CRYBG1: variants seen among roughly 807,000 people sequenced by gnomAD.
CRYBG1 encodes beta/gamma crystallin domain-containing protein 1.
A neutral mutation model predicts 189.2 loss-of-function variants in CRYBG1; 139 were observed. The observed-to-expected ratio is 0.73, with a 90% CI of 0.64 to 0.85. The LOEUF (loss-of-function observed/expected upper bound fraction) is 0.85, where lower values mean the gene tolerates loss of function less well. CRYBG1 is among the 40% of genes least tolerant of loss of function. The pLI, the probability that CRYBG1 is intolerant of heterozygous loss-of-function variation, is 0.00. For synonymous variants in CRYBG1, 1,023 were observed against 1,017.1 expected (o/e 1.01, Z -0.11); for missense variants, 2,611 against 2,675.8 (o/e 0.98, Z 0.53).
chr6:106,370,642 A>T (rs1770005688), intron 1 of CRYBG1, among the ~76,000 whole-genome samples: 1 of 152,230 alleles, frequency 6.6e-6, no homozygotes, highest in Non-Finnish European at 1.5e-5. Context: ...AAATAAGCCC[A>T]TACCCTCATT....
intron 2 of CRYBG1, among the ~76,000 whole-genome samples, chr6:106,474,570 G>T (rs1361302148): frequency 2.0e-5 from 3 of 152,136 alleles, no homozygotes; most frequent in Admixed American, 6.5e-5. Context: ...ATCTCCCTTA[G>T]ATCCACGCAA....
In CRYBG1 at chr6:106,519,460, C is replaced by T; in HGVS notation, c.2252C>T (p.Thr751Ile). 3 of 1,614,076 alleles carry T rather than the reference C, an allele frequency of 1.9e-6. No individual in the cohort carries two copies. The highest frequency in any genetic ancestry group is 2.5e-6 in the Non-Finnish European group (3 of 1,180,034). Residue 751 changes from threonine to isoleucine, a missense_variant, in exon 4 of 22, where the codon ACC becomes ATC. Physicochemically the swap from Thr to Ile is moderately conservative, Grantham distance 89. This residue lies in a region of CRYBG1 where 1,622 missense variants were observed against 1,735.0 expected (regional missense o/e 0.93). Coordinates refer to ENST00000633556, the MANE Select transcript of CRYBG1 (RefSeq NM_001371242.2). ...GVLVKETAIE[T>I]KVTVSEEEIL... ...CTGGTTAAGGAAACTGCTATAGAAA[C>T]CAAAGTTACCGTCTCGGAAGAAGAG... is the stretch of plus-strand genomic sequence containing the variant.
intron 1 of CRYBG1, among the ~76,000 whole-genome samples, chr6:106,430,136 A>G (rs1251529524): frequency 6.6e-6 from 1 of 152,200 alleles, no homozygotes; most frequent in East Asian, 1.9e-4. Context: ...TTTTTATTAA[A>G]AATTGATTTT....
intron 3 of CRYBG1, among the ~76,000 whole-genome samples, chr6:106,515,243 C>T (rs1463082609): frequency 6.6e-6 from 1 of 152,098 alleles, no homozygotes; most frequent in African/African-American, 2.4e-5. Flanking sequence ...AATTATTTTC[C>T]CCTGTCTCAT....
intron 2 of CRYBG1, among the ~76,000 whole-genome samples, chr6:106,505,330 A>G (rs1773107906): frequency 1.3e-5 from 2 of 152,044 alleles, no homozygotes; most frequent in South Asian, 4.1e-4. Context: ...TCTTGACCTC[A>G]GGATCTGCCC....
At chr6:106,544,718 T>C in intron 12 of CRYBG1, 21 bp downstream of exon 12, 1 of 1,608,486 alleles carries the variant, frequency 6.2e-7, no homozygotes. Context: ...GACAAGCTAA[T>C]GGCTAATACT....
intron 1 of CRYBG1, among the ~76,000 whole-genome samples, chr6:106,413,272 G>A (rs1411759639): frequency 1.3e-5 from 2 of 152,158 alleles, no homozygotes; most frequent in African/African-American, 4.8e-5. Flanking sequence ...GCACTGGTTT[G>A]GTCCCAGCAG....
chr6:106,513,412 G>C (rs1424883929), intron 3 of CRYBG1, among the ~76,000 whole-genome samples: 1 of 152,180 alleles, frequency 6.6e-6, no homozygotes, highest in Non-Finnish European at 1.5e-5. Flanking sequence ...AAATGCATGT[G>C]CTGTGAATTT....
intron 1 of CRYBG1, among the ~76,000 whole-genome samples, chr6:106,415,922 G>T (rs1771012947): frequency 6.6e-6 from 1 of 152,088 alleles, no homozygotes; most frequent in Non-Finnish European, 1.5e-5. Flanking sequence ...CTGCCTGGCA[G>T]TCCCCCCCAT....
intron 1 of CRYBG1, among the ~76,000 whole-genome samples, chr6:106,445,756 GA>G (rs1256120024): frequency 6.6e-6 from 1 of 152,198 alleles, no homozygotes. Flanking sequence ...GTATGACTCT[GA>G]AATCTGTGTG....
intron 1 of CRYBG1, among the ~76,000 whole-genome samples, chr6:106,406,043 A>G (rs1255040337): frequency 3.3e-5 from 5 of 152,206 alleles, no homozygotes; most frequent in African/African-American, 4.8e-5. Context: ...GAATTGACAG[A>G]AGTAGGCTTC....
intron 1 of CRYBG1, among the ~76,000 whole-genome samples, chr6:106,396,368 T>G (rs1770608042): frequency 6.6e-6 from 1 of 152,208 alleles, no homozygotes. Flanking sequence ...GAAAGCAAAT[T>G]CTTTCATAAA....
intron 2 of CRYBG1, among the ~76,000 whole-genome samples, chr6:106,471,270 GAT>G (rs1772228084): frequency 6.6e-6 from 1 of 152,152 alleles, no homozygotes; most frequent in Non-Finnish European, 1.5e-5. Context: ...TCCCTTCCAG[GAT>G]GCTCCTGGTA....
chr6:106,529,776 G>A (rs1447645353), intron 7 of CRYBG1, among the ~76,000 whole-genome samples: 1 of 152,212 alleles, frequency 6.6e-6, no homozygotes, highest in Non-Finnish European at 1.5e-5. Context: ...ACAAAACAGT[G>A]GCTGAGGAAG....
chr6:106,494,386 G>A (rs1444407081), intron 2 of CRYBG1, among the ~76,000 whole-genome samples: 1 of 152,144 alleles, frequency 6.6e-6, no homozygotes, highest in Non-Finnish European at 1.5e-5. Flanking sequence ...TTTACGTTTT[G>A]TGCTTTCTAC....
At chr6:106,533,262 T>C (rs1432368329) in intron 8 of CRYBG1, among the ~76,000 whole-genome samples, 1 of 152,272 alleles carries the variant, frequency 6.6e-6, no homozygotes, top group Non-Finnish European at 1.5e-5. Context: ...AAGCACACCA[T>C]TTGCAAAAGC....
intron 1 of CRYBG1, among the ~76,000 whole-genome samples, chr6:106,429,382 T>G (rs971651081): frequency 5.2e-5 from 7 of 135,584 alleles, no homozygotes; most frequent in Non-Finnish European, 1.2e-4. Context: ...ATGTGGGAAT[T>G]TCTCCCACAT....
intron 8 of CRYBG1, among the ~76,000 whole-genome samples, chr6:106,536,939 A>G (rs1405324448): frequency 6.6e-6 from 1 of 152,244 alleles, no homozygotes; most frequent in Non-Finnish European, 1.5e-5. Flanking sequence ...CATACTCTGC[A>G]TATGAGTTTT....
intron 16 of CRYBG1, among the ~76,000 whole-genome samples, chr6:106,554,761 C>T (rs1774493533): frequency 6.6e-6 from 1 of 152,164 alleles, no homozygotes; most frequent in Admixed American, 6.5e-5. Flanking sequence ...CCTGTCTCAG[C>T]TCACTAGAGT....
Sources: allele counts gnomAD v4.1 joint callset (sites outside exome capture counted in the v4.1 genomes callset), GRCh38; gene constraint gnomAD v4.1.1; regional missense constraint gnomAD v4.1.1; transcripts MANE v1.5; gene names NCBI Gene and HGNC (gene_info 2026-07-23, HGNC 2026-07-21).